The following RAPGEF1 variants were observed in gnomAD, a reference collection of about 807,000 sequenced individuals.
RAPGEF1 encodes the protein Rap guanine nucleotide exchange factor 1.
Under a neutral mutation model 143.3 loss-of-function variants are expected in RAPGEF1, and 33 were observed. That is an observed-to-expected ratio of 0.23 (90% confidence interval 0.17 to 0.31). The LOEUF is 0.31. Among genes scored for constraint, RAPGEF1 ranks in the 10% least tolerant of loss-of-function variants. The pLI, the probability that RAPGEF1 is intolerant of heterozygous loss-of-function variation, is 1.00. For missense variants in RAPGEF1, 1,199 were observed against 1,645.4 expected, an observed-to-expected ratio of 0.73 and a Z score of 4.69; for synonymous variants, 629 against 676.5, an observed-to-expected ratio of 0.93 and a Z score of 1.09.
chr9:131,731,004 C>T (rs573696503), intron 1 of RAPGEF1, among the ~76,000 whole-genome samples: 2 of 152,196 alleles, frequency 1.3e-5, no homozygotes, highest in South Asian at 4.2e-4. Context: ...GTCACACAGC[C>T]AAGAGAATAA....
At chr9:131,659,316 G>T (rs369305263) in intron 1 of RAPGEF1, among the ~76,000 whole-genome samples, 1 of 151,896 alleles carries the variant, frequency 6.6e-6, no homozygotes, top group African/African-American at 2.4e-5. Context: ...CAGCAGAGCT[G>T]AAGTCTGTGG....
chr9:131,608,450 A>G (rs184979381), intron 12 of RAPGEF1, among the ~76,000 whole-genome samples: 2 of 152,322 alleles, frequency 1.3e-5, no homozygotes, highest in Admixed American at 6.5e-5. Context: ...GATGGGTAAG[A>G]GACGAACTTC....
rs184027541 is a variant in RAPGEF1 at position 131,651,083 on chromosome 9, G to A, written c.62-134C>T. ...TGTTGAGAGTTTCAAGGGAAAGGAC[G>A]TATGGATCCATTACAAAACATTTCT... On this transcript the variant is annotated intron_variant, in intron 1 of 26. Transcript: ENST00000683357. The A allele has an allele frequency of 3.3e-3, 3,750 of 1,120,644 alleles. 16 individuals are homozygous for A. Among genetic ancestry groups the A allele is most frequent in the Admixed American group, 4.3e-3 (138 of 31,880 alleles). 69.4% of individuals were successfully genotyped at this position (1,120,644 alleles called of 1,614,324 possible). A position where few individuals can be genotyped will look rare whatever the true frequency, so the allele number is the denominator to read the frequency against.
chr9:131,598,281 G>A lies in RAPGEF1; in HGVS notation c.2531C>T (p.Ser844Leu), dbSNP rs770482705. 10 of 1,613,876 alleles carry A rather than the reference G, an allele frequency of 6.2e-6. No homozygotes were observed. The highest frequency in any genetic ancestry group is 2.2e-5 in the East Asian group (1 of 44,892). The change falls in exon 16 of 27, where the codon TCG becomes TTG. Residue 844 changes from serine to leucine, a missense_variant. Coordinates refer to ENST00000683357, the MANE Select transcript of RAPGEF1 (RefSeq NM_001377935.1). Reference protein sequence around the residue: ...RAPKSPDALESAQSEEEVDEL... With the variant: ...RAPKSPDALELAQSEEEVDEL... The stretch of plus-strand genomic sequence containing the variant: ...GTCCACTTCCTCCTCCGACTGAGCC[G>A]ACTCCAGAGCATCTGGTGACTTTGG...
At chr9:131,733,964 T>G (rs1294574362) in intron 1 of RAPGEF1, among the ~76,000 whole-genome samples, 3 of 152,222 alleles carry the variant, frequency 2.0e-5, no homozygotes, top group Admixed American at 6.5e-5. Flanking sequence ...GTTGCTGTGG[T>G]TGATTTTTCT....
At chr9:131,580,161 G>C in intron 26 of RAPGEF1, 102 bp downstream of exon 26, 1 of 1,463,720 alleles carries the variant, frequency 6.8e-7, no homozygotes, top group Non-Finnish European at 9.3e-7. Context: ...AGGTCCCTGG[G>C]TCCTCTGTGG....
intron 12 of RAPGEF1, among the ~76,000 whole-genome samples, chr9:131,616,424 G>T (rs886651470): frequency 6.6e-6 from 1 of 152,152 alleles, no homozygotes; most frequent in Non-Finnish European, 1.5e-5. Context: ...CTCCTCAACT[G>T]CATGTCTTTT....
intron 25 of RAPGEF1, among the ~76,000 whole-genome samples, chr9:131,580,907 G>C (rs1448200025): frequency 6.6e-6 from 1 of 152,142 alleles, no homozygotes; most frequent in African/African-American, 2.4e-5. Context: ...CATTTTGGGA[G>C]GCCAAGGTGG....
chr9:131,605,550 T>C (rs1228796581), intron 12 of RAPGEF1, among the ~76,000 whole-genome samples: 1 of 152,190 alleles, frequency 6.6e-6, no homozygotes, highest in Non-Finnish European at 1.5e-5. Flanking sequence ...TTCAATGTCA[T>C]TGTAATTACT....
chr9:131,608,300 A>G (rs932893650), intron 12 of RAPGEF1, among the ~76,000 whole-genome samples: 3 of 152,208 alleles, frequency 2.0e-5, no homozygotes, highest in Non-Finnish European at 4.4e-5. Context: ...AAATAACAGT[A>G]CTGGGGCATT....
chr9:131,596,171 G>T (rs772007750), intron 17 of RAPGEF1, 127 bp downstream of exon 17: 57 of 797,818 alleles, frequency 7.1e-5, no homozygotes, highest in Non-Finnish European at 1.1e-4. Context: ...TGACTCAGGC[G>T]CACCAGGACT....
At chr9:131,582,027 C>A (rs1248744401) in intron 25 of RAPGEF1, among the ~76,000 whole-genome samples, 2 of 152,168 alleles carry the variant, frequency 1.3e-5, no homozygotes, top group Admixed American at 6.5e-5. Flanking sequence ...ATACTAAAGG[C>A]TCTCGTAAGT....
intron 1 of RAPGEF1, among the ~76,000 whole-genome samples, chr9:131,732,370 G>A (rs536881823): frequency 2.5e-4 from 38 of 152,324 alleles, no homozygotes; most frequent in Non-Finnish European, 5.0e-4. Flanking sequence ...ACCTAAGAGC[G>A]CTTTGCTCCT....
chr9:131,630,398 C>T, intron 5 of RAPGEF1, 74 bp from the exon 6 acceptor site: 5 of 1,423,978 alleles, frequency 3.5e-6, no homozygotes, highest in Non-Finnish European at 4.9e-6. Flanking sequence ...CAGGCAGGTG[C>T]TGTCTGTCCT....
At chr9:131,648,043 G>A (rs1970123514) in intron 3 of RAPGEF1, among the ~76,000 whole-genome samples, 2 of 152,062 alleles carry the variant, frequency 1.3e-5, no homozygotes, top group Non-Finnish European at 2.9e-5. Flanking sequence ...CTAAATGAGC[G>A]GTACTTTAGC....
In RAPGEF1 at chr9:131,586,751, G is replaced by A. The variant is rs140762567; in HGVS notation, c.3233+985C>T. ...CGTCTCACACACACACCTGCAGAGC[G>A]AGACTCCGTCTCACACACACACCTG... On this transcript the variant is annotated intron_variant, in intron 22 of 26. Coordinates refer to ENST00000683357, the MANE Select transcript of RAPGEF1 (RefSeq NM_001377935.1). 4.0e-3 allele frequency among the ~76,000 whole-genome samples: 388 copies of A among 96,418 alleles called. 40 individuals carry two copies. Among genetic ancestry groups the A allele is most frequent in the African/African-American group, 0.016 (341 of 21,246 alleles). 63.3% of individuals were successfully genotyped at this position (96,418 alleles called of 152,430 possible). A position where few individuals can be genotyped will look rare whatever the true frequency, so the allele number is the denominator to read the frequency against.
At chr9:131,618,343 C>A (rs1428289458) in intron 12 of RAPGEF1, among the ~76,000 whole-genome samples, 1 of 152,206 alleles carries the variant, frequency 6.6e-6, no homozygotes. Context: ...TGAGTTCAGC[C>A]AAAATTGGCC....
intron 25 of RAPGEF1, among the ~76,000 whole-genome samples, chr9:131,582,181 C>T (rs1157759761): frequency 3.3e-5 from 5 of 152,090 alleles, no homozygotes; most frequent in African/African-American, 7.2e-5. Context: ...CCTGGGTGGC[C>T]GTGCATCCTC....
intron 1 of RAPGEF1, among the ~76,000 whole-genome samples, chr9:131,738,522 G>T (rs1473820538): frequency 6.6e-6 from 1 of 152,152 alleles, no homozygotes; most frequent in Non-Finnish European, 1.5e-5. Context: ...CCTGAGAAAA[G>T]CACCCTGGCT....
Sources: allele counts gnomAD v4.1 joint callset (sites outside exome capture counted in the v4.1 genomes callset), GRCh38; gene constraint gnomAD v4.1.1; transcripts MANE v1.5; gene names NCBI Gene and HGNC (gene_info 2026-07-23, HGNC 2026-07-21).